Variants in FAP observed in about 807,000 individuals in gnomAD.
The protein encoded by FAP is prolyl endopeptidase FAP.
A neutral mutation model predicts 126.5 loss-of-function variants in FAP; 110 were observed. The ratio of observed to expected loss-of-function variants is 0.87; its 90% confidence interval spans 0.74 to 1.02. FAP has a LOEUF of 1.02. Ranked by LOEUF, FAP falls within the 50% of genes least tolerant of loss-of-function variation. The pLI, the probability that FAP is intolerant of heterozygous loss-of-function variation, is 0.00. For synonymous variants in FAP, 334 were observed against 297.3 expected (o/e 1.12, Z -1.27); for missense variants, 919 against 909.2 (o/e 1.01, Z -0.14).
intron 16 of FAP, chr2:162,197,572 C>A: frequency 2.2e-6 from 1 of 456,652 alleles, no homozygotes. Flanking sequence ...AAACTGACAT[C>A]TTTGTGCTAT....
At chr2:162,184,567 C>T (rs921727615) in intron 20 of FAP, among the ~76,000 whole-genome samples, 2 of 152,280 alleles carry the variant, frequency 1.3e-5, no homozygotes, top group Admixed American at 1.3e-4. Context: ...GAAGAGGCCC[C>T]GTTAGTCACA....
At chr2:162,177,964 G>A (rs375720043) in intron 21 of FAP, among the ~76,000 whole-genome samples, 2 of 152,184 alleles carry the variant, frequency 1.3e-5, no homozygotes, top group African/African-American at 4.8e-5. Flanking sequence ...TGGCTATGGA[G>A]TCAGTAAGCA....
intron 2 of FAP, among the ~76,000 whole-genome samples, chr2:162,237,480 T>C (rs1004752222): frequency 5.4e-4 from 83 of 152,346 alleles, no homozygotes; most frequent in African/African-American, 2.0e-3. Context: ...TTCGGTTTTC[T>C]GTTTCTGTGT....
At chr2:162,171,142 C>A (rs940186778) in intron 25 of FAP, 62 bp from the exon 26 acceptor site, 2 of 1,276,632 alleles carry the variant, frequency 1.6e-6, no homozygotes, top group South Asian at 2.4e-5. Flanking sequence ...TTAGCTTGGA[C>A]TTTTTTGTGC....
chr2:162,224,761 A>G (rs1689566635), intron 4 of FAP, among the ~76,000 whole-genome samples: 1 of 152,170 alleles, frequency 6.6e-6, no homozygotes, highest in Non-Finnish European at 1.5e-5. Flanking sequence ...TGTGATTTCA[A>G]GAAACATAAA....
At chr2:162,179,810 ATATTTT>A (rs1295277458) in intron 21 of FAP, among the ~76,000 whole-genome samples, 64 of 107,158 alleles carry the variant, frequency 6.0e-4, no homozygotes, top group African/African-American at 1.9e-3. Flanking sequence ...ATATATATAT[ATATTTT>A]TTTTTTTTTT....
intron 17 of FAP, among the ~76,000 whole-genome samples, chr2:162,190,412 A>AG (rs1687996993): frequency 6.6e-6 from 1 of 152,080 alleles, no homozygotes; most frequent in African/African-American, 2.4e-5. Context: ...ACACACACAC[A>AG]CAAACACACA....
chr2:162,208,368 A>C (rs1449826910), intron 12 of FAP, among the ~76,000 whole-genome samples: 1 of 152,180 alleles, frequency 6.6e-6, no homozygotes, highest in African/African-American at 2.4e-5. Flanking sequence ...TAAGATACTG[A>C]AGATGCTTAT....
Position 162,171,150 on chromosome 2 carries a change from T to A in FAP, c.2182-70A>T, listed in dbSNP as rs1197322921. Reference sequence around the variant, plus strand: ...AATGCATTTAGCTTGGACTTTTTTGTGCTCTCAGGACCTGATAATCTTTCT... The same window carrying A: ...AATGCATTTAGCTTGGACTTTTTTGAGCTCTCAGGACCTGATAATCTTTCT... On this transcript the variant is annotated intron_variant, in intron 25 of 25. Coordinates refer to ENST00000188790, the MANE Select transcript of FAP (RefSeq NM_004460.5). The A allele has an allele frequency of 6.9e-6, 8 of 1,161,832 alleles. No homozygotes were observed. In the East Asian group the frequency reaches 1.9e-4, roughly 27 times the overall value. 72.0% of individuals were successfully genotyped at this position (1,161,832 alleles called of 1,614,324 possible).
intron 2 of FAP, among the ~76,000 whole-genome samples, chr2:162,238,015 C>T (rs1195636074): frequency 6.6e-6 from 1 of 151,018 alleles, no homozygotes; most frequent in Non-Finnish European, 1.5e-5. Context: ...AATGTCTGTT[C>T]ATGTCGTTTG....
chr2:162,196,206 T>C (rs1486786402), intron 16 of FAP, among the ~76,000 whole-genome samples: 1 of 152,162 alleles, frequency 6.6e-6, no homozygotes, highest in Non-Finnish European at 1.5e-5. Flanking sequence ...CAAGTAAAGA[T>C]AATATTTTGG....
rs756099293 is a variant in FAP, at chr2:162,225,578, C to T, written c.191-1G>A. The stretch of plus-strand genomic sequence containing the variant: ...GCAGATTGATGAAGATATTCTTGTC[C>T]TTTAAACAAGAAAGAAAACAAAATG... On this transcript the variant is annotated splice_acceptor_variant, in intron 3 of 25. Coordinates refer to ENST00000188790, the MANE Select transcript of FAP (RefSeq NM_004460.5). LOFTEE classifies it high-confidence loss of function. 6.3e-7 allele frequency: 1 copy of T among 1,581,802 alleles called. No individual in the cohort carries two copies. The highest frequency in any genetic ancestry group is 8.6e-7 in the Non-Finnish European group (1 of 1,166,358).
intron 2 of FAP, among the ~76,000 whole-genome samples, chr2:162,241,660 G>A (rs1211657150): frequency 6.6e-6 from 1 of 152,140 alleles, no homozygotes; most frequent in East Asian, 1.9e-4. Context: ...TCCACTACCT[G>A]ACAATTGCTG....
intron 11 of FAP, among the ~76,000 whole-genome samples, chr2:162,210,618 C>G (rs1468092471): frequency 3.9e-5 from 6 of 152,096 alleles, no homozygotes; most frequent in Non-Finnish European, 8.8e-5. Flanking sequence ...TGTTTATGAG[C>G]AAGATTTTGG....
chr2:162,200,646 G>T lies in FAP; in HGVS notation c.1224-27C>A, dbSNP rs542305668. 5.7e-6 allele frequency: 6 copies of T among 1,058,858 alleles called. No homozygotes were observed. The East Asian group carries it at 1.5e-4, about 27-fold the overall frequency. 65.6% of individuals were successfully genotyped at this position (1,058,858 alleles called of 1,614,324 possible). On this transcript the variant is annotated intron_variant, in intron 14 of 25. Coordinates refer to ENST00000188790, the MANE Select transcript of FAP (RefSeq NM_004460.5). Reference sequence around the variant, plus strand: ...TGAAAATATATTCAGAAATTATTAAGTATTGATAAATAAGTGATAATAGGA... The same window carrying T: ...TGAAAATATATTCAGAAATTATTAATTATTGATAAATAAGTGATAATAGGA...
intron 24 of FAP, 80 bp downstream of exon 24, chr2:162,173,069 T>A (rs771227302): frequency 2.3e-6 from 3 of 1,331,462 alleles, no homozygotes; most frequent in South Asian, 2.3e-5. Flanking sequence ...AGCATAGGCA[T>A]AGGAGGATGC....
At chr2:162,187,976 A>C (rs543105778) in intron 20 of FAP, among the ~76,000 whole-genome samples, 193 bp downstream of exon 20, 1 of 152,130 alleles carries the variant, frequency 6.6e-6, no homozygotes, top group South Asian at 2.1e-4. Flanking sequence ...TTTTCTACAC[A>C]TTCGTTAGCT....
At chr2:162,186,407 T>C (rs1338416357) in intron 20 of FAP, among the ~76,000 whole-genome samples, 1 of 152,060 alleles carries the variant, frequency 6.6e-6, no homozygotes, top group Non-Finnish European at 1.5e-5. Flanking sequence ...AAGGTAGAAT[T>C]TATGGCTTTG....
chr2:162,238,570 T>A (rs991377727), intron 2 of FAP, among the ~76,000 whole-genome samples: 2 of 152,210 alleles, frequency 1.3e-5, no homozygotes, highest in Admixed American at 1.3e-4. Context: ...AGCTCTTTTA[T>A]ATTCATGAAC....
Sources: allele counts gnomAD v4.1 joint callset (sites outside exome capture counted in the v4.1 genomes callset), GRCh38; gene constraint gnomAD v4.1.1; transcripts MANE v1.5; gene names NCBI Gene and HGNC (gene_info 2026-07-23, HGNC 2026-07-21).